Variants in PRXL2C observed in about 807,000 individuals in gnomAD.
PRXL2C encodes the protein peroxiredoxin like 2C, also known as peroxiredoxin-like 2C.
Under a neutral mutation model 24.9 loss-of-function variants are expected in PRXL2C, and 38 were observed. That is an observed-to-expected ratio of 1.53 (90% CI 1.18 to 2.00). The LOEUF (loss-of-function observed/expected upper bound fraction) is 2.00. PRXL2C is among the 30% of genes most tolerant of loss of function. The probability of loss-of-function intolerance (pLI) is 0.00; values close to 1 mark genes in which losing one functional copy is unlikely to be tolerated. For synonymous variants in PRXL2C, 98 were observed against 117.2 expected (o/e 0.84, Z 1.06); for missense variants, 294 against 290.9 (o/e 1.01, Z -0.08).
chr9:96,653,543 C>CAA (rs1172755284), intron 2 of PRXL2C, among the ~76,000 whole-genome samples: 1 of 152,162 alleles, frequency 6.6e-6, no homozygotes, highest in African/African-American at 2.4e-5. Context: ...CTATAGTTAA[C>CAA]AATGTATACT....
intron 4 of PRXL2C, among the ~76,000 whole-genome samples, chr9:96,646,868 G>A (rs928149965): frequency 6.6e-6 from 1 of 152,072 alleles, no homozygotes; most frequent in Non-Finnish European, 1.5e-5. Flanking sequence ...TTGGCTCACT[G>A]CAACCTCTGC....
chr9:96,644,221 G>A (rs1848159721), intron 5 of PRXL2C, among the ~76,000 whole-genome samples: 1 of 151,472 alleles, frequency 6.6e-6, no homozygotes, highest in Non-Finnish European at 1.5e-5. Flanking sequence ...CAGTTTTAAA[G>A]AGGAAGAAAA....
chr9:96,649,043 G>A (rs1432062950), intron 4 of PRXL2C, among the ~76,000 whole-genome samples: 1 of 151,988 alleles, frequency 6.6e-6, no homozygotes. Flanking sequence ...AAAGTGCTGG[G>A]ATTACAGGCG....
chr9:96,642,059 A>C (rs781084988), intron 5 of PRXL2C, among the ~76,000 whole-genome samples, 173 bp from the exon 6 acceptor site: 6 of 152,194 alleles, frequency 3.9e-5, no homozygotes, highest in Non-Finnish European at 8.8e-5. Flanking sequence ...CATGGTAATA[A>C]AGTATGACAA....
At chr9:96,642,448 A>G (rs1312258639) in intron 5 of PRXL2C, among the ~76,000 whole-genome samples, 1 of 152,202 alleles carries the variant, frequency 6.6e-6, no homozygotes, top group African/African-American at 2.4e-5. Flanking sequence ...TTTATAATTT[A>G]TAATCATAAA....
intron 5 of PRXL2C, among the ~76,000 whole-genome samples, chr9:96,642,349 CAA>C (rs919957622): frequency 3.9e-5 from 6 of 151,974 alleles, no homozygotes; most frequent in Non-Finnish European, 4.4e-5. Context: ...AACCATAGCC[CAA>C]AAGAGGCTCT....
At chr9:96,642,787 C>T (rs1459905659) in intron 5 of PRXL2C, among the ~76,000 whole-genome samples, 1 of 152,080 alleles carries the variant, frequency 6.6e-6, no homozygotes, top group Non-Finnish European at 1.5e-5. Flanking sequence ...TTGTGATCCG[C>T]CCACCTCGGC....
At chr9:96,645,806 A>G (rs927689996) in intron 5 of PRXL2C, 87 bp downstream of exon 5, 2 of 1,459,836 alleles carry the variant, frequency 1.4e-6, no homozygotes, top group Non-Finnish European at 1.8e-6. Flanking sequence ...CGAAAAAAAA[A>G]AAAAAGGAAA....
intron 2 of PRXL2C, 72 bp downstream of exon 2, chr9:96,654,633 C>G: frequency 7.0e-7 from 1 of 1,420,218 alleles, no homozygotes; most frequent in Non-Finnish European, 9.7e-7. Context: ...CGCGCTGGAG[C>G]CGCGTCCTCC....
chr9:96,654,427 C>T lies in PRXL2C; in HGVS notation c.261+278G>A, dbSNP rs564835977. Among the ~76,000 whole-genome samples, 3 of 152,340 alleles carry T rather than the reference C, an allele frequency of 2.0e-5. No homozygotes were observed. The South Asian group carries it at 6.2e-4, about 32-fold the overall frequency. ...AAGGGAAGAAAATAACCATTTCCAG[C>T]ATTTGTTTTAGGGCATTATCAGTCA... On this transcript the variant is annotated intron_variant, in intron 2 of 5. Transcript: ENST00000375234.
At chr9:96,649,069 A>G (rs1052464978) in intron 4 of PRXL2C, among the ~76,000 whole-genome samples, 3 of 151,716 alleles carry the variant, frequency 2.0e-5, no homozygotes, top group African/African-American at 7.3e-5. Context: ...CACCGCGCCC[A>G]GCCCTAAAGT....
intron 3 of PRXL2C, 67 bp downstream of exon 3, chr9:96,651,592 A>C (rs1236360044): frequency 6.4e-7 from 1 of 1,554,390 alleles, no homozygotes; most frequent in African/African-American, 1.4e-5. Context: ...TTAGTGGTTT[A>C]AATAATGTAA....
chr9:96,642,659 C>T (rs1271569115), intron 5 of PRXL2C, among the ~76,000 whole-genome samples: 1 of 151,532 alleles, frequency 6.6e-6, no homozygotes, highest in African/African-American at 2.4e-5. Context: ...GATTCTCTTG[C>T]CTCAGCCTCC....
chr9:96,655,186 G>T lies in PRXL2C; in HGVS notation c.96C>A (p.Ala32=). Reference sequence around the variant, plus strand: ...CCAGCACCGGCAGCTCGGCCACGGCGGCCGCCAGGGGCTGCCCGCTGTCGG... The same window carrying T: ...CCAGCACCGGCAGCTCGGCCACGGCTGCCGCCAGGGGCTGCCCGCTGTCGG... The part of the protein sequence containing the change: ...SGPDSGQPLA[A]AVAELPVLDA... Residue 32 remains alanine, a synonymous_variant, in exon 1 of 6, where the codon GCC becomes GCA. Transcript: ENST00000375234. 8.3e-7 allele frequency: 1 copy of T among 1,208,396 alleles called. No homozygotes were observed. Among genetic ancestry groups the T allele is most frequent in the Non-Finnish European group, 1.0e-6 (1 of 975,034 alleles). The allele number at this position is 1,208,396 out of a possible 1,614,324, so 74.9% of individuals were successfully genotyped here. A position where few individuals can be genotyped will look rare whatever the true frequency, so the allele number is the denominator to read the frequency against.
At position 96,640,509 on chromosome 9, in the gene PRXL2C, TCC is replaced by T. The variant is rs1848099955; in HGVS notation, c.*1248_*1249del. The T allele has an allele frequency of 1.2e-5, 1 of 81,946 alleles. No homozygotes were observed. The highest frequency in any genetic ancestry group is 5.3e-5 in the African/African-American group (1 of 18,970). The allele number at this position is 81,946 out of a possible 1,614,324, so 5.1% of individuals were successfully genotyped here. A position where few individuals can be genotyped will look rare whatever the true frequency, so the allele number is the denominator to read the frequency against. Reference sequence around the variant, plus strand: ...TCCAGCCTGGGCGACAGAGCAAGACTCCATCTCAAAAAAAAAAAAAAAAAAAA... The same window carrying T: ...TCCAGCCTGGGCGACAGAGCAAGACTATCTCAAAAAAAAAAAAAAAAAAAA... On this transcript the variant is annotated 3_prime_UTR_variant, in exon 6 of 6. Coordinates refer to ENST00000375234, the MANE Select transcript of PRXL2C (RefSeq NM_153698.2).
Position 96,645,910 on chromosome 9 carries a change from G to A in PRXL2C, c.536C>T (p.Thr179Ile), listed in dbSNP as rs780115235. The change falls in exon 5 of 6, where the codon ACC (threonine) becomes ATC (isoleucine). Residue 179 changes from threonine to isoleucine, a missense_variant. Physicochemically the swap from Thr to Ile is moderately conservative, Grantham distance 89. Transcript: ENST00000375234. The part of the protein sequence containing the change: ...FQGDPAQQGG[T>I]LILGPGNNIH... ...ATGCTTACCTGGACCTAAAATGAGG[G>A]TTCCACCTTGCTGAGCTGGGTCTCC... The A allele has an allele frequency of 6.2e-7, 1 of 1,612,412 alleles. No homozygotes were observed. The highest frequency in any genetic ancestry group is 2.2e-5 in the East Asian group (1 of 44,822).
At chr9:96,645,144 C>G (rs578185486) in intron 5 of PRXL2C, among the ~76,000 whole-genome samples, 2 of 151,052 alleles carry the variant, frequency 1.3e-5, no homozygotes, top group Non-Finnish European at 3.0e-5. Flanking sequence ...CTCCTGACCT[C>G]GTGATCCGCC....
intron 5 of PRXL2C, among the ~76,000 whole-genome samples, chr9:96,645,425 G>GC (rs1020378015): frequency 1.3e-5 from 2 of 152,038 alleles, no homozygotes; most frequent in African/African-American, 2.4e-5. Flanking sequence ...AACAAAAGAT[G>GC]CCCCCCTACA....
intron 5 of PRXL2C, among the ~76,000 whole-genome samples, chr9:96,645,073 AT>A (rs1266760842): frequency 1.1e-4 from 17 of 148,430 alleles, no homozygotes; most frequent in Admixed American, 3.4e-4. Context: ...CGTCCGGCTA[AT>A]TTTTTTTTGT....
Sources: gnomAD v4.1 joint callset for allele counts (sites outside exome capture counted in the v4.1 genomes callset) on GRCh38, gnomAD v4.1.1 for gene constraint, MANE v1.5 for transcripts, NCBI Gene and HGNC (gene_info 2026-07-23, HGNC 2026-07-21) for gene names.